EPB41L4B: variants seen among roughly 807,000 people sequenced by gnomAD.
EPB41L4B encodes the protein erythrocyte membrane protein band 4.1 like 4B.
Under a neutral mutation model 112.5 loss-of-function variants are expected in EPB41L4B, and 30 were observed. The observed-to-expected ratio is 0.27, with a 90% CI of 0.20 to 0.36. The LOEUF (loss-of-function observed/expected upper bound fraction) is 0.36, where lower values mean the gene tolerates loss of function less well. EPB41L4B is among the 10% of genes least tolerant of loss of function. The pLI is 1.00. For synonymous variants in EPB41L4B, 408 were observed against 439.7 expected (o/e 0.93, Z 0.90); for missense variants, 1,024 against 1,133.3 (o/e 0.90, Z 1.38).
intron 17 of EPB41L4B, 79 bp from the exon 18 acceptor site, chr9:109,208,128 A>G (rs1833045714): frequency 1.2e-5 from 18 of 1,543,438 alleles, no homozygotes; most frequent in Non-Finnish European, 1.6e-5. Flanking sequence ...AATAATCATA[A>G]CTGCATATAA....
chr9:109,294,672 CTGTGTGTGTGTG>C (rs56261244), intron 1 of EPB41L4B, among the ~76,000 whole-genome samples: 13 of 147,948 alleles, frequency 8.8e-5, no homozygotes, highest in South Asian at 4.3e-4. Context: ...GATATTGTGG[CTGTGTGTGTGTG>C]TGTGTGTGTG....
rs1422275896 is a variant in EPB41L4B at position 109,176,048 on chromosome 9, A to ACG, written c.2633+501_2633+502dup. 7.9e-4 allele frequency among the ~76,000 whole-genome samples: 12 copies of ACG among 15,250 alleles called. 1 individual carries two copies. Among genetic ancestry groups the ACG allele is most frequent in the South Asian group, 6.8e-3 (6 of 880 alleles). The allele number at this position is 15,250 out of a possible 152,430, so 10.0% of individuals were successfully genotyped here. A position where few individuals can be genotyped will look rare whatever the true frequency, so the allele number is the denominator to read the frequency against. ...CCTATCCCTTGTCAATATCACACAC[A>ACG]CGCACACACACACACACACACACAC... On this transcript the variant is annotated intron_variant, in intron 25 of 25. Coordinates refer to ENST00000374566, the MANE Select transcript of EPB41L4B (RefSeq NM_019114.5).
intron 1 of EPB41L4B, among the ~76,000 whole-genome samples, chr9:109,310,334 A>G (rs1225520074): frequency 6.6e-6 from 1 of 152,108 alleles, no homozygotes; most frequent in Admixed American, 6.5e-5. Flanking sequence ...GATGAAAGAC[A>G]AACTTCAGGA....
In EPB41L4B at chr9:109,176,581, G is replaced by T. The variant is rs1264289616; in HGVS notation, c.2603C>A (p.Thr868Asn). The T allele has an allele frequency of 6.2e-7, 1 of 1,612,612 alleles. No individual in the cohort carries two copies. Among genetic ancestry groups the T allele is most frequent in the South Asian group, 1.1e-5 (1 of 90,820 alleles). ...ETVSTVQTIY[T>N]TRKPVSLAAS... ...TGCCAGAGAAACAGGTTTCCGGGTG[G>T]TGTAAATGGTCTGCACTGTGGAGAC... Residue 868 changes from threonine (T) to asparagine (N), a missense_variant, in exon 25 of 26, where the codon ACC becomes AAC. Physicochemically the swap from Thr to Asn is moderately conservative, Grantham distance 65. Coordinates refer to ENST00000374566, the MANE Select transcript of EPB41L4B (RefSeq NM_019114.5).
At chr9:109,246,326 C>A (rs1490529499) in intron 14 of EPB41L4B, among the ~76,000 whole-genome samples, 1 of 152,122 alleles carries the variant, frequency 6.6e-6, no homozygotes, top group Non-Finnish European at 1.5e-5. Context: ...CACTTGAACC[C>A]AGGATTATTT....
At chr9:109,195,729 A>C (rs918304320) in intron 20 of EPB41L4B, among the ~76,000 whole-genome samples, 2 of 152,212 alleles carry the variant, frequency 1.3e-5, no homozygotes, top group African/African-American at 4.8e-5. Context: ...TCACCTCAAT[A>C]GCATAGTTAT....
intron 1 of EPB41L4B, among the ~76,000 whole-genome samples, chr9:109,298,074 TGCC>T (rs1192937961): frequency 6.6e-6 from 1 of 152,046 alleles, no homozygotes; most frequent in Non-Finnish European, 1.5e-5. Context: ...AAAAAGTCAC[TGCC>T]TCTTGCAGGA....
intron 1 of EPB41L4B, among the ~76,000 whole-genome samples, chr9:109,303,790 A>G (rs4446792): frequency 0.93 from 141,701 of 152,106 alleles, 66,164 homozygotes; most frequent in East Asian, 1. Flanking sequence ...ATGGTTGTGA[A>G]CCACCACACC....
chr9:109,191,751 C>T (rs1255895783), intron 22 of EPB41L4B, among the ~76,000 whole-genome samples: 1 of 152,258 alleles, frequency 6.6e-6, no homozygotes. Flanking sequence ...CTCAGACCCA[C>T]CAGGCCCTTT....
chr9:109,263,095 A>T lies in EPB41L4B; in HGVS notation c.586T>A (p.Cys196Ser), dbSNP rs1163375049. The change falls in exon 6 of 26, where the codon TGC (cysteine) becomes AGC (serine). Residue 196 changes from cysteine (C) to serine (S), a missense_variant. Coordinates refer to ENST00000374566, the MANE Select transcript of EPB41L4B (RefSeq NM_019114.5). The stretch of plus-strand genomic sequence containing the variant: ...AATTCCACAGCTGTTTCATAAGGGC[A>T]TTTCAATCTTGAAAAAAATAAAATG... ...RHDILSGKLK[C>S]PYETAVELAA... 21 of 1,590,326 alleles carry T rather than the reference A, an allele frequency of 1.3e-5. No individual in the cohort carries two copies. The highest frequency in any genetic ancestry group is 1.7e-5 in the Non-Finnish European group (20 of 1,163,560).
At chr9:109,272,076 T>G (rs1835643560) in intron 2 of EPB41L4B, among the ~76,000 whole-genome samples, 1 of 152,200 alleles carries the variant, frequency 6.6e-6, no homozygotes. Flanking sequence ...AACTCTCTGC[T>G]GGAACATCTC....
intron 1 of EPB41L4B, among the ~76,000 whole-genome samples, chr9:109,317,571 C>T (rs1370744285): frequency 1.3e-5 from 2 of 152,186 alleles, no homozygotes; most frequent in African/African-American, 2.4e-5. Context: ...AGAACACAAG[C>T]ATCCTAACTA....
chr9:109,237,195 C>CA (rs1442208283), intron 15 of EPB41L4B, among the ~76,000 whole-genome samples: 4 of 152,182 alleles, frequency 2.6e-5, no homozygotes, highest in African/African-American at 9.6e-5. Flanking sequence ...GTCCTTATTC[C>CA]TCCATCTTTG....
intron 3 of EPB41L4B, 141 bp downstream of exon 3, chr9:109,268,250 A>C: frequency 1.3e-6 from 1 of 772,454 alleles, no homozygotes; most frequent in Non-Finnish European, 2.1e-6. Flanking sequence ...GCCTTAAGAA[A>C]TTAAAAATCA....
At chr9:109,281,859 G>C (rs1310710770) in intron 1 of EPB41L4B, among the ~76,000 whole-genome samples, 1 of 152,128 alleles carries the variant, frequency 6.6e-6, no homozygotes, top group Admixed American at 6.5e-5. Context: ...GCTAAACATA[G>C]AGTTAGTTAC....
intron 22 of EPB41L4B, among the ~76,000 whole-genome samples, chr9:109,186,439 G>A (rs557518096): frequency 1.4e-4 from 21 of 151,062 alleles, no homozygotes; most frequent in South Asian, 6.3e-4. Context: ...CACCCGCCTC[G>A]GCCTCCCAAA....
intron 17 of EPB41L4B, among the ~76,000 whole-genome samples, chr9:109,210,119 A>G (rs1043010508): frequency 6.6e-6 from 1 of 152,166 alleles, no homozygotes; most frequent in Non-Finnish European, 1.5e-5. Flanking sequence ...GAGAACACTA[A>G]TGATCGATCC....
At chr9:109,284,178 T>C (rs995005760) in intron 1 of EPB41L4B, among the ~76,000 whole-genome samples, 3 of 152,130 alleles carry the variant, frequency 2.0e-5, no homozygotes, top group African/African-American at 4.8e-5. Flanking sequence ...GCAAAAATCA[T>C]TGAACGCAAA....
intron 23 of EPB41L4B, 64 bp downstream of exon 23, chr9:109,185,425 G>T: frequency 1.4e-6 from 2 of 1,439,114 alleles, no homozygotes; most frequent in South Asian, 1.2e-5. Flanking sequence ...CTTCCACCTC[G>T]CCTGGTGGCT....
Sources: allele counts gnomAD v4.1 joint callset (sites outside exome capture counted in the v4.1 genomes callset), GRCh38; gene constraint gnomAD v4.1.1; transcripts MANE v1.5; gene names NCBI Gene and HGNC (gene_info 2026-07-23, HGNC 2026-07-21).